LRRC4C: variants seen among roughly 807,000 people sequenced by gnomAD.
The protein encoded by LRRC4C is leucine-rich repeat-containing protein 4C.
Under a neutral mutation model 33.6 loss-of-function variants are expected in LRRC4C, and 5 were observed. That is an observed-to-expected ratio of 0.15 (90% CI 0.08 to 0.31). LRRC4C has a LOEUF of 0.31. Ranked by LOEUF, LRRC4C falls within the 10% of genes least tolerant of loss-of-function variation. LRRC4C has a pLI of 1.00. For missense variants in LRRC4C, 560 were observed against 796.7 expected (o/e 0.70, Z 3.58); for synonymous variants, 329 against 302.0 (o/e 1.09, Z -0.93).
intron 2 of LRRC4C, among the ~76,000 whole-genome samples, chr11:40,703,822 G>C (rs952099615): frequency 6.6e-6 from 1 of 152,096 alleles, no homozygotes; most frequent in African/African-American, 2.4e-5. Flanking sequence ...TAATTGTCCT[G>C]TAATGTTGAT....
chr11:40,508,000 G>A (rs980298915), intron 3 of LRRC4C, among the ~76,000 whole-genome samples: 3 of 151,998 alleles, frequency 2.0e-5, no homozygotes, highest in Non-Finnish European at 2.9e-5. Context: ...GAAGTGATCC[G>A]CCCACTTCAG....
At chr11:40,515,793 C>G (rs75933293) in intron 3 of LRRC4C, among the ~76,000 whole-genome samples, 13 of 152,036 alleles carry the variant, frequency 8.6e-5, no homozygotes, top group Non-Finnish European at 1.8e-4. Context: ...TTGAGGTGAA[C>G]CAGTTAGTCC....
intron 1 of LRRC4C, among the ~76,000 whole-genome samples, chr11:41,269,791 C>G (rs1376163970): frequency 6.6e-6 from 1 of 152,110 alleles, no homozygotes; most frequent in Non-Finnish European, 1.5e-5. Context: ...GCATCAGTCT[C>G]TGTAACCAAC....
chr11:40,915,215 C>A, intron 2 of LRRC4C, among the ~76,000 whole-genome samples: 1 of 151,860 alleles, frequency 6.6e-6, no homozygotes, highest in Non-Finnish European at 1.5e-5. Flanking sequence ...CATATGGAAC[C>A]AAAAAAGAGC....
chr11:41,239,305 G>C (rs926279266), intron 1 of LRRC4C, among the ~76,000 whole-genome samples: 3 of 106,916 alleles, frequency 2.8e-5, no homozygotes, highest in African/African-American at 1.1e-4. Context: ...CTGGGTGACA[G>C]AGCAAGACTC....
At chr11:40,812,395 A>G (rs1951527854) in intron 2 of LRRC4C, among the ~76,000 whole-genome samples, 1 of 152,158 alleles carries the variant, frequency 6.6e-6, no homozygotes, top group African/African-American at 2.4e-5. Context: ...TTGCCCAATA[A>G]ATAACAGCAA....
At chr11:40,894,683 C>T (rs1955861061) in intron 2 of LRRC4C, among the ~76,000 whole-genome samples, 1 of 152,108 alleles carries the variant, frequency 6.6e-6, no homozygotes, top group South Asian at 2.1e-4. Context: ...CACCCAACAA[C>T]CAAATATGTG....
chr11:40,884,957 T>A (rs1955373742), intron 2 of LRRC4C, among the ~76,000 whole-genome samples: 1 of 152,070 alleles, frequency 6.6e-6, no homozygotes, highest in Admixed American at 6.6e-5. Flanking sequence ...AAGAGTGGAA[T>A]AATAGACACT....
chr11:41,133,550 C>T (rs1244021374), intron 1 of LRRC4C, among the ~76,000 whole-genome samples: 1 of 112,220 alleles, frequency 8.9e-6, no homozygotes, highest in East Asian at 3.2e-4. Context: ...ACCTTAAAAA[C>T]TGAGTTTTCA....
intron 1 of LRRC4C, among the ~76,000 whole-genome samples, chr11:40,986,342 A>T (rs573361789): frequency 6.6e-6 from 1 of 152,298 alleles, no homozygotes; most frequent in African/African-American, 2.4e-5. Context: ...TCACACCTGT[A>T]ATCTCAACAC....
intron 2 of LRRC4C, among the ~76,000 whole-genome samples, chr11:40,894,182 A>T (rs1181116954): frequency 6.6e-6 from 1 of 152,178 alleles, no homozygotes; most frequent in Non-Finnish European, 1.5e-5. Flanking sequence ...CCATAAATTC[A>T]GTTTATAGAC....
At chr11:40,517,384 G>A (rs1415597016) in intron 3 of LRRC4C, among the ~76,000 whole-genome samples, 1 of 152,136 alleles carries the variant, frequency 6.6e-6, no homozygotes, top group Non-Finnish European at 1.5e-5. Flanking sequence ...AATAGGAAAG[G>A]AAAATGATGG....
intron 3 of LRRC4C, among the ~76,000 whole-genome samples, chr11:40,499,459 A>G (rs577551635): frequency 6.6e-6 from 1 of 152,200 alleles, no homozygotes; most frequent in South Asian, 2.1e-4. Flanking sequence ...ACCACTGGGA[A>G]GAGTGAATCC....
At chr11:40,560,977 G>C (rs1394664855) in intron 3 of LRRC4C, among the ~76,000 whole-genome samples, 1 of 152,138 alleles carries the variant, frequency 6.6e-6, no homozygotes, top group Non-Finnish European at 1.5e-5. Flanking sequence ...TGAGAAATAA[G>C]AGATCAATAA....
intron 4 of LRRC4C, among the ~76,000 whole-genome samples, chr11:40,255,705 C>A (rs1294048719): frequency 1.3e-5 from 2 of 152,106 alleles, no homozygotes; most frequent in Non-Finnish European, 2.9e-5. Context: ...AGAATCCACC[C>A]CATGCATGTC....
rs1284945006 is a variant in LRRC4C, at chr11:40,114,621, T to C, written c.1672A>G (p.Asn558Asp). The part of the protein sequence containing the change: ...YKMRKQHHRQ[N>D]HHAPTRTVEI... ...ACAGTCCTTGTTGGGGCGTGATGGT[T>C]TTGCCGATGGTGCTGCTTCCTCATC... The change falls in exon 7 of 7, where the codon AAC (asparagine) becomes GAC (aspartate). Residue 558 changes from asparagine to aspartate, a missense_variant. Around this residue, in one of 3 missense-constraint regions of LRRC4C, gnomAD observed 103 missense variants for 132.1 expected, o/e 0.78. Transcript: ENST00000528697. 6.2e-7 allele frequency: 1 copy of C among 1,614,058 alleles called. No homozygotes were observed. The highest frequency in any genetic ancestry group is 8.5e-7 in the Non-Finnish European group (1 of 1,180,038).
intron 2 of LRRC4C, among the ~76,000 whole-genome samples, chr11:40,738,213 A>G (rs1256558198): frequency 6.6e-6 from 1 of 152,128 alleles, no homozygotes; most frequent in Non-Finnish European, 1.5e-5. Context: ...CTTTTGCAAA[A>G]ATTAACTCAA....
intron 6 of LRRC4C, among the ~76,000 whole-genome samples, chr11:40,126,763 C>G (rs1282840321): frequency 1.3e-5 from 2 of 151,728 alleles, no homozygotes; most frequent in African/African-American, 4.8e-5. Flanking sequence ...GAGTTCAAGA[C>G]CAGCCTGACC....
At chr11:40,755,511 T>C (rs1365717748) in intron 2 of LRRC4C, among the ~76,000 whole-genome samples, 1 of 152,082 alleles carries the variant, frequency 6.6e-6, no homozygotes, top group Non-Finnish European at 1.5e-5. Context: ...AGCCTCCTTA[T>C]TGCTGCTCCA....
Sources: gnomAD v4.1 joint callset for allele counts (sites outside exome capture counted in the v4.1 genomes callset) on GRCh38, gnomAD v4.1.1 for gene constraint, gnomAD v4.1.1 regional missense constraint, MANE v1.5 for transcripts, NCBI Gene and HGNC (gene_info 2026-07-23, HGNC 2026-07-21) for gene names.